Variants in TMPRSS6 observed in about 807,000 individuals in gnomAD.
TMPRSS6 encodes transmembrane protease serine 6.
A neutral mutation model predicts 101.5 loss-of-function variants in TMPRSS6; 67 were observed. That is an observed-to-expected ratio of 0.66 (90% confidence interval 0.54 to 0.81). TMPRSS6 has a LOEUF of 0.81. Ranked by LOEUF, TMPRSS6 falls within the 30% of genes least tolerant of loss-of-function variation. The probability of loss-of-function intolerance (pLI) is 0.00; values close to 1 mark genes in which losing one functional copy is unlikely to be tolerated. For synonymous variants in TMPRSS6, 453 were observed against 464.9 expected (o/e 0.97, Z 0.33); for missense variants, 1,034 against 1,088.7 (o/e 0.95, Z 0.71).
chr22:37,090,735 G>A (rs1228893795), intron 6 of TMPRSS6, among the ~76,000 whole-genome samples: 3 of 152,166 alleles, frequency 2.0e-5, no homozygotes, highest in Admixed American at 1.3e-4. Context: ...AGAATGGGAC[G>A]ATAACACCAC....
intron 3 of TMPRSS6, among the ~76,000 whole-genome samples, chr22:37,097,138 G>C (rs2160906): frequency 6.6e-6 from 1 of 152,078 alleles, no homozygotes; most frequent in African/African-American, 2.4e-5. Context: ...AAGCATTTGC[G>C]CAGCGTGGGA....
intron 7 of TMPRSS6, among the ~76,000 whole-genome samples, chr22:37,088,760 G>C (rs977111262): frequency 6.6e-6 from 1 of 152,152 alleles, no homozygotes. Context: ...TGCCTTTTGC[G>C]GCCCAGTCCC....
intron 5 of TMPRSS6, 89 bp from the exon 6 acceptor site, chr22:37,095,681 C>A: frequency 7.2e-7 from 1 of 1,393,630 alleles, no homozygotes; most frequent in Non-Finnish European, 9.7e-7. Context: ...TTAGAGGAGA[C>A]CCTTGGAGCC....
intron 7 of TMPRSS6, 83 bp downstream of exon 7, chr22:37,089,495 G>C: frequency 7.4e-7 from 1 of 1,360,260 alleles, no homozygotes; most frequent in Non-Finnish European, 1.0e-6. Flanking sequence ...CCTTGTCTAA[G>C]AATGCTGTGT....
intron 1 of TMPRSS6, among the ~76,000 whole-genome samples, chr22:37,108,154 A>G (rs893916631): frequency 6.6e-6 from 1 of 152,092 alleles, no homozygotes; most frequent in Admixed American, 6.5e-5. Context: ...GGTAGCAAAC[A>G]TTTATGGATT....
At chr22:37,079,013 GAA>G (rs1555888507) in intron 10 of TMPRSS6, among the ~76,000 whole-genome samples, 2 of 151,708 alleles carry the variant, frequency 1.3e-5, no homozygotes. Flanking sequence ...AAGAAAGAAA[GAA>G]AGAGAAAGAG....
intron 11 of TMPRSS6, 118 bp downstream of exon 11, chr22:37,075,011 ACACACT>A: frequency 6.6e-7 from 1 of 1,516,722 alleles, no homozygotes; most frequent in Non-Finnish European, 9.1e-7. Context: ...ACACACACAC[ACACACT>A]CTCTCTCTCC....
In TMPRSS6 at chr22:37,068,684, G is replaced by T. The variant is rs114015797; in HGVS notation, c.2113+389C>A. On this transcript the variant is annotated intron_variant, in intron 16 of 17. Coordinates refer to ENST00000676104, the MANE Select transcript of TMPRSS6 (RefSeq NM_001374504.1). ...GGCCACAGCATCCGCCCGTAGGGCTGTTGGGTGGATTATATGAAGTCAAGT... is the reference window on the plus strand; with the variant it reads ...GGCCACAGCATCCGCCCGTAGGGCTTTTGGGTGGATTATATGAAGTCAAGT... The T allele has an allele frequency of 3.8e-6, 3 of 779,712 alleles. No individual in the cohort carries two copies. The South Asian group carries it at 4.0e-5, about 10-fold the overall frequency. The allele number at this position is 779,712 out of a possible 1,614,324, so 48.3% of individuals were successfully genotyped here.
At position 37,073,811 on chromosome 22, in the gene TMPRSS6, G is replaced by GA. The variant is rs1490732575; in HGVS notation, c.1442-167dup. On this transcript the variant is annotated intron_variant, in intron 12 of 17. Coordinates refer to ENST00000676104, the MANE Select transcript of TMPRSS6 (RefSeq NM_001374504.1). Reference sequence around the variant, plus strand: ...GCTCTTGTCACGAAGGCTGGAGTGCGATGGCATGATCTCACTGCAACCTCC... The same window carrying GA: ...GCTCTTGTCACGAAGGCTGGAGTGCGAATGGCATGATCTCACTGCAACCTCC... Among the ~76,000 whole-genome samples the GA allele has an allele frequency of 2.0e-5, 3 of 152,132 alleles. No individual in the cohort carries two copies. In the East Asian group the frequency reaches 5.8e-4, roughly 29 times the overall value.
intron 13 of TMPRSS6, among the ~76,000 whole-genome samples, chr22:37,072,329 A>ATGGATGATGGATGG (rs1927077316): frequency 2.7e-5 from 1 of 37,530 alleles, no homozygotes; most frequent in African/African-American, 1.0e-4. Flanking sequence ...ATGATGGATG[A>ATGGATGATGGATGG]ATGGATGGAT....
At chr22:37,091,444 G>T (rs1328220982) in intron 6 of TMPRSS6, among the ~76,000 whole-genome samples, 2 of 152,162 alleles carry the variant, frequency 1.3e-5, no homozygotes, top group Admixed American at 6.5e-5. Flanking sequence ...CCCAGGGGAG[G>T]GGGTATATGG....
At chr22:37,085,807 A>G (rs1928694101) in intron 8 of TMPRSS6, among the ~76,000 whole-genome samples, 1 of 152,026 alleles carries the variant, frequency 6.6e-6, no homozygotes, top group South Asian at 2.1e-4. Context: ...TCTTGGCTGT[A>G]AGCGGACTGT....
chr22:37,069,449 G>C lies in TMPRSS6; in HGVS notation c.1842-105C>G. ...GATAGCCAGATCCCCGCCCGGGACAGTGCCCTCCACACCCAGCCCTCCCTT... is the reference window on the plus strand; with the variant it reads ...GATAGCCAGATCCCCGCCCGGGACACTGCCCTCCACACCCAGCCCTCCCTT... On this transcript the variant is annotated intron_variant, in intron 15 of 17. Transcript: ENST00000676104. The surrounding 1 kb of genome is among the most constrained non-coding windows in gnomAD (Gnocchi z 4.8). 1 of 1,142,760 alleles carries C rather than the reference G, an allele frequency of 8.8e-7. No individual in the cohort carries two copies. Among genetic ancestry groups the C allele is most frequent in the Non-Finnish European group, 1.2e-6 (1 of 808,698 alleles). 70.8% of individuals were successfully genotyped at this position (1,142,760 alleles called of 1,614,324 possible).
In TMPRSS6 at chr22:37,066,467, C is replaced by T. The variant is rs192790472; in HGVS notation, c.2251-229G>A. On this transcript the variant is annotated intron_variant, in intron 17 of 17. Coordinates refer to ENST00000676104, the MANE Select transcript of TMPRSS6 (RefSeq NM_001374504.1). ...TCCTGGAACTGTGGCTGTGTCCCCACGCCCCCACTCTGCCTCCGCCTCCCT... is the reference window on the plus strand; with the variant it reads ...TCCTGGAACTGTGGCTGTGTCCCCATGCCCCCACTCTGCCTCCGCCTCCCT... Among the ~76,000 whole-genome samples, 7 of 152,360 alleles carry T rather than the reference C, an allele frequency of 4.6e-5. No homozygotes were observed. The East Asian group carries it at 7.7e-4, about 17-fold the overall frequency.
chr22:37,074,193 G>A (rs1927404437), intron 12 of TMPRSS6, among the ~76,000 whole-genome samples: 1 of 152,200 alleles, frequency 6.6e-6, no homozygotes, highest in Non-Finnish European at 1.5e-5. Flanking sequence ...CTGAATATGA[G>A]GTACCTCCCC....
chr22:37,096,294 T>C (rs1929757087), intron 4 of TMPRSS6, among the ~76,000 whole-genome samples: 1 of 152,236 alleles, frequency 6.6e-6, no homozygotes, highest in Admixed American at 6.5e-5. Flanking sequence ...AGAGGTGAAC[T>C]TGTGTCTCAT....
rs944925567 is a variant in TMPRSS6 at position 37,078,975 on chromosome 22, A to G, written c.1197-3695T>C. ...AGAAAAAGAGAAAGAAAGAAAGAAA[A>G]AGAAAGAAAGAAAGAAAGAAAGAAA... On this transcript the variant is annotated intron_variant, in intron 10 of 17. Transcript: ENST00000676104. Among the ~76,000 whole-genome samples, 11 of 135,356 alleles carry G rather than the reference A, an allele frequency of 8.1e-5. No individual in the cohort carries two copies. The East Asian group carries it at 1.0e-3, about 13-fold the overall frequency. 88.8% of individuals were successfully genotyped at this position (135,356 alleles called of 152,430 possible).
chr22:37,082,721 T>C (rs1344311395), intron 10 of TMPRSS6: 4 of 350,582 alleles, frequency 1.1e-5, no homozygotes, highest in African/African-American at 2.2e-5. Flanking sequence ...GATGTCACAC[T>C]CCATCAGCAT....
At chr22:37,070,379 C>A in intron 15 of TMPRSS6, 105 bp downstream of exon 15, 1 of 1,473,178 alleles carries the variant, frequency 6.8e-7, no homozygotes, top group African/African-American at 1.4e-5. Flanking sequence ...GGGGGGTCCA[C>A]CACCCTTCCC....
Sources: gnomAD v4.1 joint callset for allele counts (sites outside exome capture counted in the v4.1 genomes callset) on GRCh38, gnomAD v4.1.1 for gene constraint, Gnocchi (gnomAD v3.1) non-coding constraint, MANE v1.5 for transcripts, NCBI Gene and HGNC (gene_info 2026-07-23, HGNC 2026-07-21) for gene names.